Variants in SAMD3 observed in about 807,000 individuals in gnomAD.
The protein encoded by SAMD3 is sterile alpha motif domain containing 3.
SAMD3 carries 63 observed loss-of-function variants against 58.5 expected under a neutral mutation model. The ratio of observed to expected loss-of-function variants is 1.08; its 90% CI spans 0.88 to 1.33. SAMD3 has a LOEUF of 1.33. Among genes scored for constraint, SAMD3 ranks in the 40% most tolerant of loss-of-function variants. SAMD3 has a pLI of 0.00. For missense variants in SAMD3, 604 were observed against 608.4 expected (o/e 0.99, Z 0.08); for synonymous variants, 220 against 210.3 (o/e 1.05, Z -0.40).
intron 2 of SAMD3, among the ~76,000 whole-genome samples, chr6:130,247,031 G>A (rs1412249512): frequency 6.6e-6 from 1 of 152,114 alleles, no homozygotes; most frequent in Non-Finnish European, 1.5e-5. Flanking sequence ...TATTTCCAAA[G>A]GAACCAACTC....
Position 130,184,494 on chromosome 6 carries a change from C to G in SAMD3, c.513G>C (p.Arg171Ser), listed in dbSNP as rs1021774615. The change falls in exon 6 of 12, where the codon AGG (arginine) becomes AGC (serine). Residue 171 changes from arginine (R) to serine (S), a missense_variant. Coordinates refer to ENST00000439090, the MANE Select transcript of SAMD3 (RefSeq NM_001017373.4). ...AEQKCPDHSM[R>S]IRIIEFLQAD... ...CCTGGAGAAACTCAATGATCCTTATCCTCATGCTGTGATCCGGGCACTTCT... is the reference window on the plus strand; with the variant it reads ...CCTGGAGAAACTCAATGATCCTTATGCTCATGCTGTGATCCGGGCACTTCT... 3 of 1,614,068 alleles carry G rather than the reference C, an allele frequency of 1.9e-6. No homozygotes were observed. The highest frequency in any genetic ancestry group is 2.5e-6 in the Non-Finnish European group (3 of 1,180,024).
At chr6:130,213,025 G>A (rs1423114857) in intron 4 of SAMD3, among the ~76,000 whole-genome samples, 2 of 152,320 alleles carry the variant, frequency 1.3e-5, no homozygotes. Flanking sequence ...GCTCTTGCCT[G>A]TAATCCCAGC....
chr6:130,260,498 T>C (rs957371495), intron 2 of SAMD3, among the ~76,000 whole-genome samples: 1 of 152,220 alleles, frequency 6.6e-6, no homozygotes. Context: ...AATTGCTCAC[T>C]TGGGGAGCTT....
chr6:130,214,392 A>G lies in SAMD3; in HGVS notation c.214T>C (p.Ser72Pro). 1 of 1,610,698 alleles carries G rather than the reference A, an allele frequency of 6.2e-7. No homozygotes were observed. The highest frequency in any genetic ancestry group is 1.1e-5 in the South Asian group (1 of 90,518). Residue 72 changes from serine (S) to proline (P), a missense_variant, in exon 4 of 12, where the codon TCC (serine) becomes CCC (proline). Physicochemically the swap from Ser to Pro is moderately conservative, Grantham distance 74 (BLOSUM62 -1). Coordinates refer to ENST00000439090, the MANE Select transcript of SAMD3 (RefSeq NM_001017373.4). ...GCTGCCTTTTTGGGGTTTTCTGGGG[A>G]CTTCAGTCCTTGAGTGTTCTGCTTG... Reference protein sequence around the residue: ...KYKQNTQGLKSPENPKKAALV... With the variant: ...KYKQNTQGLKPPENPKKAALV...
Position 130,265,791 on chromosome 6 carries a change from T to A in SAMD3, c.-187-42978A>T, listed in dbSNP as rs531485529. On this transcript the variant is annotated intron_variant, in intron 2 of 13. Coordinates refer to the SAMD3 transcript ENST00000368134. ...AACAGAAAAAAAAGAGGTGCCCAAA[T>A]GAATCACCTTGAAATTTGATGCCTG... Among the ~76,000 whole-genome samples the A allele has an allele frequency of 1.1e-4, 16 of 152,084 alleles. No homozygotes were observed. In the East Asian group the frequency reaches 2.3e-3, roughly 22 times the overall value.
rs1387580781 is a variant in SAMD3 at position 130,257,167 on chromosome 6, C to T, written c.-187-34354G>A. Among the ~76,000 whole-genome samples, 3 of 151,856 alleles carry T rather than the reference C, an allele frequency of 2.0e-5. No individual in the cohort carries two copies. The East Asian group carries it at 5.8e-4, about 29-fold the overall frequency. On this transcript the variant is annotated intron_variant, in intron 2 of 13. Transcript: ENST00000368134. The stretch of plus-strand genomic sequence containing the variant: ...AAGATCTCTCTCTGTCTCTCTCTCT[C>T]TCTCTCCTTATAAGGACAGAGGAAT...
chr6:130,303,158 C>T (rs908261085), intron 2 of SAMD3, among the ~76,000 whole-genome samples: 1 of 152,122 alleles, frequency 6.6e-6, no homozygotes, highest in Non-Finnish European at 1.5e-5. Flanking sequence ...CTCTTCGGTA[C>T]CTTTCCTGCC....
intron 8 of SAMD3, among the ~76,000 whole-genome samples, chr6:130,170,356 G>T (rs1791133373): frequency 6.6e-6 from 1 of 152,150 alleles, no homozygotes; most frequent in African/African-American, 2.4e-5. Flanking sequence ...CTTCATCCAT[G>T]TCCCTGTAAA....
At chr6:130,168,001 T>C (rs527335805) in intron 8 of SAMD3, among the ~76,000 whole-genome samples, 1 of 152,280 alleles carries the variant, frequency 6.6e-6, no homozygotes, top group South Asian at 2.1e-4. Context: ...CCAAAGAATA[T>C]AGCCTAAGCA....
At chr6:130,197,622 A>G (rs1054272740) in intron 5 of SAMD3, among the ~76,000 whole-genome samples, 3 of 151,920 alleles carry the variant, frequency 2.0e-5, no homozygotes, top group Non-Finnish European at 2.9e-5. Flanking sequence ...CAACCCCACA[A>G]TATCACCCCT....
chr6:130,350,737 G>C (rs896914213), intron 1 of SAMD3, among the ~76,000 whole-genome samples: 1 of 152,026 alleles, frequency 6.6e-6, no homozygotes, highest in Non-Finnish European at 1.5e-5. Context: ...AGTTCATATG[G>C]AACCAAAAAA....
rs113111092 is a variant in SAMD3 at position 130,299,086 on chromosome 6, T to C, written c.-188+13892A>G. ...AAAACTAACAAAGAAACTCTGGACT[T>C]AAATTGGACTCTTGACCAAATGGAC... On this transcript the variant is annotated intron_variant, in intron 2 of 13. Transcript: ENST00000368134. Among the ~76,000 whole-genome samples the C allele has an allele frequency of 2.0e-3, 303 of 152,266 alleles. 1 individual carries two copies. The highest frequency in any genetic ancestry group is 7.1e-3 in the African/African-American group (294 of 41,572).
chr6:130,169,801 C>T (rs923276520), intron 8 of SAMD3, among the ~76,000 whole-genome samples: 1 of 152,100 alleles, frequency 6.6e-6, no homozygotes, highest in African/African-American at 2.4e-5. Flanking sequence ...AGACTCGTGT[C>T]CAGGGGTGTG....
chr6:130,203,526 C>T (rs1386814461), intron 5 of SAMD3, among the ~76,000 whole-genome samples: 1 of 152,196 alleles, frequency 6.6e-6, no homozygotes, highest in Non-Finnish European at 1.5e-5. Flanking sequence ...ATTGAATCAC[C>T]ATGAGTGACA....
At chr6:130,190,169 G>T (rs1242909031) in intron 5 of SAMD3, among the ~76,000 whole-genome samples, 1 of 152,154 alleles carries the variant, frequency 6.6e-6, no homozygotes, top group Non-Finnish European at 1.5e-5. Flanking sequence ...GATTTTAACT[G>T]ACACCAGGAG....
chr6:130,235,163 G>A (rs62431209), intron 2 of SAMD3, among the ~76,000 whole-genome samples: 21,709 of 152,162 alleles, frequency 0.14, 1,769 homozygotes, highest in East Asian at 0.36. Context: ...GACAAATTGA[G>A]TTTATATTTT....
chr6:130,296,791 G>T (rs756649628), intron 2 of SAMD3, among the ~76,000 whole-genome samples: 3 of 152,142 alleles, frequency 2.0e-5, no homozygotes, highest in Non-Finnish European at 4.4e-5. Context: ...AGAGGGGTGT[G>T]TCCAGGGCCT....
At chr6:130,315,049 A>G (rs992555006) in intron 1 of SAMD3, among the ~76,000 whole-genome samples, 1 of 152,276 alleles carries the variant, frequency 6.6e-6, no homozygotes, top group African/African-American at 2.4e-5. Flanking sequence ...ACTATATACT[A>G]TATTGTGCTT....
chr6:130,186,494 C>T (rs939626616), intron 5 of SAMD3, among the ~76,000 whole-genome samples: 1 of 152,124 alleles, frequency 6.6e-6, no homozygotes, highest in Admixed American at 6.5e-5. Flanking sequence ...AATACTTGAC[C>T]CAATACCACA....
Sources: gnomAD v4.1 joint callset for allele counts (sites outside exome capture counted in the v4.1 genomes callset) on GRCh38, gnomAD v4.1.1 for gene constraint, MANE v1.5 for transcripts, NCBI Gene and HGNC (gene_info 2026-07-23, HGNC 2026-07-21) for gene names.